The following BBS9 variants were observed in gnomAD, a reference collection of about 807,000 sequenced individuals.
BBS9 encodes the protein protein PTHB1.
BBS9 carries 89 observed loss-of-function variants against 117.7 expected under a neutral mutation model. That is an observed-to-expected ratio of 0.76 (90% CI 0.64 to 0.90). The LOEUF (loss-of-function observed/expected upper bound fraction) is 0.90. Among genes scored for constraint, BBS9 ranks in the 40% least tolerant of loss-of-function variants. BBS9 has a pLI of 0.00. For missense variants in BBS9, 982 were observed against 1,042.2 expected, an observed-to-expected ratio of 0.94 and a Z score of 0.80; for synonymous variants, 379 against 370.9, an observed-to-expected ratio of 1.02 and a Z score of -0.25.
At chr7:33,350,363 T>C (rs1818412409) in intron 13 of BBS9, among the ~76,000 whole-genome samples, 1 of 119,284 alleles carries the variant, frequency 8.4e-6, no homozygotes, top group Non-Finnish European at 1.9e-5. Flanking sequence ...CATTGAACTT[T>C]TGCTTGCATT....
chr7:33,200,698 C>T (rs1365726470), intron 5 of BBS9, among the ~76,000 whole-genome samples: 1 of 151,996 alleles, frequency 6.6e-6, no homozygotes, highest in Non-Finnish European at 1.5e-5. Flanking sequence ...ACAAGGAATC[C>T]CCCCCAACAC....
At chr7:33,364,425 A>G (rs945622128) in intron 16 of BBS9, among the ~76,000 whole-genome samples, 1 of 151,882 alleles carries the variant, frequency 6.6e-6, no homozygotes, top group Non-Finnish European at 1.5e-5. Flanking sequence ...GGATATTTAT[A>G]CTTCTCTCCA....
At chr7:33,378,871 GCT>G (rs1824413470) in intron 17 of BBS9, among the ~76,000 whole-genome samples, 1 of 152,188 alleles carries the variant, frequency 6.6e-6, no homozygotes, top group Non-Finnish European at 1.5e-5. Context: ...CAAGAACTCA[GCT>G]CTGGCCAGCT....
intron 9 of BBS9, among the ~76,000 whole-genome samples, chr7:33,276,144 T>C (rs1235251488): frequency 6.6e-6 from 1 of 152,226 alleles, no homozygotes; most frequent in Non-Finnish European, 1.5e-5. Context: ...GATTAGACTG[T>C]GTTTGAAAGA....
intron 5 of BBS9, among the ~76,000 whole-genome samples, chr7:33,214,606 A>G (rs1479914401): frequency 6.6e-6 from 1 of 152,212 alleles, no homozygotes; most frequent in East Asian, 1.9e-4. Flanking sequence ...CTAATCTGCC[A>G]TCTTGCTCTG....
intron 16 of BBS9, 110 bp downstream of exon 16, chr7:33,358,105 A>G: frequency 7.1e-7 from 1 of 1,413,232 alleles, no homozygotes; most frequent in Non-Finnish European, 9.8e-7. Flanking sequence ...TTGTTAAGTA[A>G]GAGTATAAAA....
At position 33,605,465 on chromosome 7, in the gene BBS9, T is replaced by G; in HGVS notation, c.*239T>G. 1.7e-6 allele frequency: 1 copy of G among 577,600 alleles called. No homozygotes were observed. The highest frequency in any genetic ancestry group is 3.0e-5 in the East Asian group (1 of 33,852). The allele number at this position is 577,600 out of a possible 1,614,324, so 35.8% of individuals were successfully genotyped here. ...TGCCAGGAAAGGAAGTAGTTGCCTT[T>G]GGTCATCCATCTGCTAATAGTCACA... On this transcript the variant is annotated 3_prime_UTR_variant, in exon 23 of 23. Coordinates refer to ENST00000242067, the MANE Select transcript of BBS9 (RefSeq NM_198428.3).
chr7:33,501,572 A>G (rs1016804792), intron 19 of BBS9, among the ~76,000 whole-genome samples: 1 of 152,200 alleles, frequency 6.6e-6, no homozygotes, highest in Non-Finnish European at 1.5e-5. Context: ...TGTCTCACTG[A>G]GAAGTCATTC....
chr7:33,472,761 G>A (rs898897888), intron 19 of BBS9, among the ~76,000 whole-genome samples: 2 of 152,166 alleles, frequency 1.3e-5, no homozygotes, highest in African/African-American at 4.8e-5. Flanking sequence ...ACATACGGTA[G>A]CATTACCCCC....
intron 9 of BBS9, among the ~76,000 whole-genome samples, chr7:33,302,279 T>C (rs978541297): frequency 5.3e-5 from 8 of 152,194 alleles, no homozygotes; most frequent in African/African-American, 1.2e-4. Flanking sequence ...CTTTTTAACT[T>C]GATGTGATCC....
chr7:33,143,863 C>T (rs1791925260), intron 1 of BBS9, among the ~76,000 whole-genome samples: 1 of 148,130 alleles, frequency 6.8e-6, no homozygotes, highest in African/African-American at 2.5e-5. Context: ...CCGCACCCAG[C>T]TCATTTGTGT....
chr7:33,303,434 T>C (rs1487336977), intron 9 of BBS9, among the ~76,000 whole-genome samples: 1 of 152,146 alleles, frequency 6.6e-6, no homozygotes, highest in Admixed American at 6.5e-5. Context: ...GTATGTTCTT[T>C]CTGTACCCAG....
At chr7:33,528,292 C>CA (rs1849982273) in intron 20 of BBS9, among the ~76,000 whole-genome samples, 1 of 152,164 alleles carries the variant, frequency 6.6e-6, no homozygotes. Flanking sequence ...ACTCCTGCCA[C>CA]AAAATCTCCA....
intron 21 of BBS9, among the ~76,000 whole-genome samples, chr7:33,588,379 T>G (rs1472402652): frequency 6.6e-6 from 1 of 152,142 alleles, no homozygotes; most frequent in Non-Finnish European, 1.5e-5. Context: ...GATAATACTA[T>G]GTAAAAATTA....
intron 10 of BBS9, among the ~76,000 whole-genome samples, chr7:33,338,843 A>G (rs535314626): frequency 2.6e-5 from 4 of 152,326 alleles, no homozygotes; most frequent in African/African-American, 9.6e-5. Context: ...ATAGTTGATC[A>G]TGTTGTCTAC....
At position 33,492,966 on chromosome 7, in the gene BBS9, A is replaced by C. The variant is rs548361015; in HGVS notation, c.2116-12497A>C. Reference sequence around the variant, plus strand: ...CTGTGTGATTTTCACCAAGTTGCTTAACCCCTCTGCTCTTAGTCTTCTTCT... The same window carrying C: ...CTGTGTGATTTTCACCAAGTTGCTTCACCCCTCTGCTCTTAGTCTTCTTCT... On this transcript the variant is annotated intron_variant, in intron 19 of 22. Transcript: ENST00000242067. Among the ~76,000 whole-genome samples the C allele has an allele frequency of 1.6e-4, 24 of 151,898 alleles. 1 individual carries two copies. The South Asian group carries it at 3.3e-3, about 21-fold the overall frequency.
At chr7:33,621,018 A>G (rs1865377782) in intron 21 of BBS9, among the ~76,000 whole-genome samples, 1 of 152,204 alleles carries the variant, frequency 6.6e-6, no homozygotes, top group Admixed American at 6.5e-5. Context: ...CTGGGCATCC[A>G]TATGCAGAAG....
chr7:33,403,304 T>C (rs1396364607), intron 19 of BBS9, among the ~76,000 whole-genome samples: 1 of 150,776 alleles, frequency 6.6e-6, no homozygotes, highest in African/African-American at 2.4e-5. Context: ...TGAGTTTTAC[T>C]TTATTTTTTT....
chr7:33,606,496 C>G (rs1399912994), downstream of BBS9, among the ~76,000 whole-genome samples: 2 of 152,250 alleles, frequency 1.3e-5, no homozygotes, highest in East Asian at 3.9e-4. Flanking sequence ...GGTTTTGTTG[C>G]TTTGGACTGG....
Sources: gnomAD v4.1 joint callset for allele counts (sites outside exome capture counted in the v4.1 genomes callset) on GRCh38, gnomAD v4.1.1 for gene constraint, MANE v1.5 for transcripts, NCBI Gene and HGNC (gene_info 2026-07-23, HGNC 2026-07-21) for gene names.